The following ROBO3 variants were observed in gnomAD, a reference collection of about 807,000 sequenced individuals.
The protein encoded by ROBO3 is roundabout homolog 3.
Under a neutral mutation model 160.5 loss-of-function variants are expected in ROBO3, and 97 were observed. The ratio of observed to expected loss-of-function variants is 0.60; its 90% CI spans 0.51 to 0.72. The LOEUF is 0.72. Among genes scored for constraint, ROBO3 ranks in the 30% least tolerant of loss-of-function variants. The pLI is 0.00. For missense variants in ROBO3, 1,858 were observed against 1,846.5 expected, an observed-to-expected ratio of 1.01 and a Z score of -0.11; for synonymous variants, 780 against 746.2, an observed-to-expected ratio of 1.05 and a Z score of -0.74.
chr11:124,868,183 A>C (rs576741055), intron 1 of ROBO3, among the ~76,000 whole-genome samples: 2 of 152,298 alleles, frequency 1.3e-5, no homozygotes, highest in South Asian at 4.1e-4. Context: ...CTTGAAATGA[A>C]GCGTGATTAT....
intron 5 of ROBO3, 53 bp downstream of exon 5, chr11:124,870,356 T>C: frequency 1.3e-6 from 2 of 1,576,408 alleles, no homozygotes; most frequent in East Asian, 2.3e-5. Flanking sequence ...AAGAGACTAT[T>C]CTGCCCTAGA....
chr11:124,869,436 ACCGCC>A lies in ROBO3; in HGVS notation c.488-7_488-3del. 1 of 1,280,682 alleles carries A rather than the reference ACCGCC, an allele frequency of 7.8e-7. No homozygotes were observed. Among genetic ancestry groups the A allele is most frequent in the Non-Finnish European group, 1.1e-6 (1 of 907,704 alleles). The allele number at this position is 1,280,682 out of a possible 1,614,324, so 79.3% of individuals were successfully genotyped here. ...CTACACCCTGCTTATTTCGCCCCCC[ACCGCC>A]CCGCCCAGTCCTCCGTGATGATTTC... is the stretch of plus-strand genomic sequence containing the variant. On this transcript the variant is annotated splice_polypyrimidine_tract_variant and intron_variant, in intron 2 of 27. Coordinates refer to ENST00000397801, the MANE Select transcript of ROBO3 (RefSeq NM_022370.4). This position sits in a 1 kb window ranked among gnomAD's most constrained non-coding sequence, Gnocchi z 4.2.
rs200839513 is a variant in ROBO3, at chr11:124,877,178, C to G, written c.2797C>G (p.Pro933Ala). 1.3e-5 allele frequency: 21 copies of G among 1,613,872 alleles called. No homozygotes were observed. Residue 933 changes from proline (P) to alanine (A), a missense_variant, in exon 18 of 28, where the codon CCG becomes GCG. By Grantham distance (27) the Pro-to-Ala change is conservative. Coordinates refer to ENST00000397801, the MANE Select transcript of ROBO3 (RefSeq NM_022370.4). ...TCTGGAAGCCTCTTTTGCCTACACA[C>G]CGGCAGGTAAGCCATCTCTGCCCCA... ...SHYTASFAYTPAVSFPHSEGL... is the reference protein window; with the variant it reads ...SHYTASFAYTAAVSFPHSEGL...
At position 124,871,121 on chromosome 11, in the gene ROBO3, C is replaced by A. The variant is rs1659867252; in HGVS notation, c.1141C>A (p.Gln381Lys). 1.1e-5 allele frequency: 17 copies of A among 1,613,130 alleles called. No homozygotes were observed. The highest frequency in any genetic ancestry group is 1.4e-5 in the Non-Finnish European group (17 of 1,179,520). The change falls in exon 7 of 28, where the codon CAG (glutamine) becomes AAG (lysine). Residue 381 changes from glutamine (Q) to lysine (K), a missense_variant. By Grantham distance (53) the Gln-to-Lys change is moderately conservative. Transcript: ENST00000397801. ...AAACCCCCCACCTGCCATCTTCTGG[C>A]AGAAGGAGGGGAGTCAGGTGGGTGG... ...KGNPPPAIFWQKEGSQVLLFP... is the reference protein window; with the variant it reads ...KGNPPPAIFWKKEGSQVLLFP...
In ROBO3 at chr11:124,879,813, C is replaced by A; in HGVS notation, c.3823C>A (p.Pro1275Thr). The A allele has an allele frequency of 6.2e-7, 1 of 1,613,888 alleles. No homozygotes were observed. The highest frequency in any genetic ancestry group is 8.5e-7 in the Non-Finnish European group (1 of 1,179,846). ...GDLPPPPLPP[P>T]EEEASWALEL... is the part of the protein sequence containing the mutation. ...CTTGCCCCCACCACCCTTGCCACCG[C>A]CAGAGGAAGAGGCGAGCTGGGCCCT... Residue 1275 changes from proline to threonine, a missense_variant, in exon 26 of 28, where the codon CCA becomes ACA. By Grantham distance (38) the Pro-to-Thr change is conservative. Transcript: ENST00000397801.
In ROBO3 at chr11:124,876,507, G is replaced by T; in HGVS notation, c.2779+47G>T. On this transcript the variant is annotated intron_variant, in intron 17 of 27. Transcript: ENST00000397801. This position sits in a 1 kb window ranked among gnomAD's most constrained non-coding sequence, Gnocchi z 5.3. The stretch of plus-strand genomic sequence containing the variant: ...GGACGGATCCGGGAGGGAGCCAGGC[G>T]GCCCATGGGGAGGGGCAGGGGCTTA... 7.5e-7 allele frequency: 1 copy of T among 1,339,302 alleles called. No individual in the cohort carries two copies. Among genetic ancestry groups the T allele is most frequent in the Non-Finnish European group, 9.5e-7 (1 of 1,047,306 alleles). 83.0% of individuals were successfully genotyped at this position (1,339,302 alleles called of 1,614,324 possible).
Position 124,878,766 on chromosome 11 carries a change from C to T in ROBO3, c.3503C>T (p.Thr1168Ile), listed in dbSNP as rs775344429. ...PSPPDPPQPP[T>I]DMPHLHQMPR... The stretch of plus-strand genomic sequence containing the variant: ...CCTCCTGACCCTCCCCAGCCCCCAA[C>T]TGACATGCCCCATCTCCATCAGATG... Residue 1168 changes from threonine to isoleucine, a missense_variant, in exon 23 of 28, where the codon ACT becomes ATT. Coordinates refer to ENST00000397801, the MANE Select transcript of ROBO3 (RefSeq NM_022370.4). This position sits in a 1 kb window ranked among gnomAD's most constrained non-coding sequence, Gnocchi z 4.3. The T allele has an allele frequency of 6.2e-7, 1 of 1,613,618 alleles. No individual in the cohort carries two copies. The highest frequency in any genetic ancestry group is 8.5e-7 in the Non-Finnish European group (1 of 1,179,838).
At position 124,865,673 on chromosome 11, in the gene ROBO3, C is replaced by A. The variant is rs1374701045; in HGVS notation, c.96C>A (p.Gly32=). Residue 32 remains glycine, a synonymous_variant, in exon 1 of 28, where the codon GGC becomes GGA. Transcript: ENST00000397801. The surrounding 1 kb of genome is among the most constrained non-coding windows in gnomAD (Gnocchi z 5.5). ...CCAACTCCAGCGAGCTGCTCTTGGG[C>A]TTCAACTCCTCGCTGGCGGCGCTCA... ...DISNSSELLL[G]FNSSLAALNH... is the part of the protein sequence containing the mutation. 1 of 1,612,232 alleles carries A rather than the reference C, an allele frequency of 6.2e-7. No individual in the cohort carries two copies. Among genetic ancestry groups the A allele is most frequent in the African/African-American group, 1.3e-5 (1 of 74,900 alleles).
In ROBO3 at chr11:124,879,941, C is replaced by T; in HGVS notation, c.3951C>T (p.His1317=). The T allele has an allele frequency of 6.3e-7, 1 of 1,579,070 alleles. No individual in the cohort carries two copies. Among genetic ancestry groups the T allele is most frequent in the Non-Finnish European group, 8.6e-7 (1 of 1,162,718 alleles). The part of the protein sequence containing the change: ...AVPLAAQRVL[H]PDEEAWLPYS... ...CCCTGGCAGCCCAGCGGGTGCTCCACCCAGATGGTAAGCAGGGCCAGGGCA... is the reference window on the plus strand; with the variant it reads ...CCCTGGCAGCCCAGCGGGTGCTCCATCCAGATGGTAAGCAGGGCCAGGGCA... The change falls in exon 26 of 28, where the codon CAC becomes CAT. Residue 1317 remains histidine (H), a synonymous_variant. Coordinates refer to ENST00000397801, the MANE Select transcript of ROBO3 (RefSeq NM_022370.4).
At chr11:124,871,897 G>A (rs1395416389) in intron 7 of ROBO3, among the ~76,000 whole-genome samples, 1 of 152,188 alleles carries the variant, frequency 6.6e-6, no homozygotes, top group Non-Finnish European at 1.5e-5. Context: ...GGTGAAGCAG[G>A]TGTTACCCAG....
chr11:124,869,756 TA>T lies in ROBO3; in HGVS notation c.645+155del. 3 of 1,263,114 alleles carry T rather than the reference TA, an allele frequency of 2.4e-6. No individual in the cohort carries two copies. The highest frequency in any genetic ancestry group is 2.2e-4 in the Middle Eastern group (1 of 4,550). 78.2% of individuals were successfully genotyped at this position (1,263,114 alleles called of 1,614,324 possible). On this transcript the variant is annotated intron_variant, in intron 3 of 27. Transcript: ENST00000397801. This position sits in a 1 kb window ranked among gnomAD's most constrained non-coding sequence, Gnocchi z 4.2. ...AGGGATAAGGAAGACGGAATTGGTA[TA>T]AAAAAGGGGCGGGGGCATGATGCCC...
chr11:124,875,987 C>G lies in ROBO3; in HGVS notation c.2455C>G (p.Leu819Val), dbSNP rs949673216. 1.2e-6 allele frequency: 2 copies of G among 1,600,022 alleles called. No homozygotes were observed. The highest frequency in any genetic ancestry group is 2.7e-5 in the African/African-American group (2 of 74,650). ...WCLGNESRFH[L>V]NRSAAGWARS... ...CCTGGGCAATGAGAGCCGCTTTCAC[C>G]TCAATCGATCTGCAGCAGGCTGGGC... Residue 819 changes from leucine to valine, a missense_variant, in exon 16 of 28, where the codon CTC becomes GTC. Coordinates refer to ENST00000397801, the MANE Select transcript of ROBO3 (RefSeq NM_022370.4).
In ROBO3 at chr11:124,871,145, G is replaced by T. The variant is rs746753062; in HGVS notation, c.1158+7G>T. Reference sequence around the variant, plus strand: ...GCAGAAGGAGGGGAGTCAGGTGGGTGGCCATCTCCAAGGAGCTTCCCATCA... The same window carrying T: ...GCAGAAGGAGGGGAGTCAGGTGGGTTGCCATCTCCAAGGAGCTTCCCATCA... On this transcript the variant is annotated splice_region_variant and intron_variant, in intron 7 of 27. Transcript: ENST00000397801. The T allele has an allele frequency of 8.1e-6, 13 of 1,611,334 alleles. No individual in the cohort carries two copies. Among genetic ancestry groups the T allele is most frequent in the Middle Eastern group, 1.7e-4 (1 of 5,956 alleles).
chr11:124,874,933 T>G, intron 13 of ROBO3, 24 bp downstream of exon 13: 1 of 1,598,064 alleles, frequency 6.3e-7, no homozygotes, highest in South Asian at 1.1e-5. Context: ...GGGGAGGAGA[T>G]TCAGGGTGGG....
In ROBO3 at chr11:124,880,558, C is replaced by T. The variant is rs901523388; in HGVS notation, c.4099C>T (p.Arg1367Trp). Residue 1367 changes from arginine (R) to tryptophan (W), a missense_variant, in exon 27 of 28, where the codon CGG becomes TGG. Physicochemically the swap from Arg to Trp is moderately radical, Grantham distance 101 (BLOSUM62 -3). Coordinates refer to ENST00000397801, the MANE Select transcript of ROBO3 (RefSeq NM_022370.4). Reference protein sequence around the residue: ...GSRGPGRSRSRSQSRSQSQRP... With the variant: ...GSRGPGRSRSWSQSRSQSQRP... Reference sequence around the variant, plus strand: ...CCGGGGCCCTGGCCGGAGCCGGAGTCGGAGTCAGAGCCGGAGCCAGAGCCA... The same window carrying T: ...CCGGGGCCCTGGCCGGAGCCGGAGTTGGAGTCAGAGCCGGAGCCAGAGCCA... 7.5e-6 allele frequency: 11 copies of T among 1,465,028 alleles called. No homozygotes were observed. The highest frequency in any genetic ancestry group is 2.3e-5 in the Admixed American group (1 of 44,168). 90.8% of individuals were successfully genotyped at this position (1,465,028 alleles called of 1,614,324 possible). A position where few individuals can be genotyped will look rare whatever the true frequency, so the allele number is the denominator to read the frequency against.
At position 124,877,999 on chromosome 11, in the gene ROBO3, C is replaced by T. The variant is rs774245178; in HGVS notation, c.3049C>T (p.Pro1017Ser). ...GGGCACGGCCGCCCCTGGCGAGGGT[C>T]CTGTCTATAGCACCATTGACCCAGC... ...ARGTAAPGEG[P>S]VYSTIDPAGE... Residue 1017 changes from proline (P) to serine (S), a missense_variant, in exon 21 of 28, where the codon CCT becomes TCT. Transcript: ENST00000397801. 3 of 1,612,136 alleles carry T rather than the reference C, an allele frequency of 1.9e-6. No homozygotes were observed. Among genetic ancestry groups the T allele is most frequent in the Non-Finnish European group, 2.5e-6 (3 of 1,179,184 alleles).
At position 124,875,169 on chromosome 11, in the gene ROBO3, C is replaced by G; in HGVS notation, c.2132C>G (p.Pro711Arg). ...CGGGTGTCTTGGAGGGTAGCAGGCC[C>G]TGAGGGAGGAAGCTGGACAATGTTG... Reference protein sequence around the residue: ...GFRVSWRVAGPEGGSWTMLDL... With the variant: ...GFRVSWRVAGREGGSWTMLDL... The change falls in exon 14 of 28, where the codon CCT (proline) becomes CGT (arginine). Residue 711 changes from proline to arginine, a missense_variant. Physicochemically the swap from Pro to Arg is moderately radical, Grantham distance 103. Coordinates refer to ENST00000397801, the MANE Select transcript of ROBO3 (RefSeq NM_022370.4). The G allele has an allele frequency of 6.2e-7, 1 of 1,613,656 alleles. No homozygotes were observed. The highest frequency in any genetic ancestry group is 1.3e-5 in the African/African-American group (1 of 75,038).
Position 124,869,883 on chromosome 11 carries a change from A to G in ROBO3, c.646-65A>G. 2 of 1,538,588 alleles carry G rather than the reference A, an allele frequency of 1.3e-6. No homozygotes were observed. Among genetic ancestry groups the G allele is most frequent in the Non-Finnish European group, 8.8e-7 (1 of 1,135,080 alleles). On this transcript the variant is annotated intron_variant, in intron 3 of 27. Transcript: ENST00000397801. The surrounding 1 kb of genome is among the most constrained non-coding windows in gnomAD (Gnocchi z 4.2). ...TTTATACATATGTATATACACATAT[A>G]TTCACCATATATATATACGCTGTGA...
Position 124,870,596 on chromosome 11 carries a change from A to G in ROBO3, c.906-5A>G, listed in dbSNP as rs780529326. ...CAACCCAGCCTGGGGTGGGGAGTGG[A>G]GCAGGTATGAGATCCGGAGTGACCA... On this transcript the variant is annotated splice_polypyrimidine_tract_variant and splice_region_variant and intron_variant, in intron 5 of 27. Transcript: ENST00000397801. The G allele has an allele frequency of 9.9e-6, 16 of 1,613,592 alleles. No homozygotes were observed. In the African/African-American group the frequency reaches 1.6e-4, roughly 16 times the overall value.
Sources: gnomAD v4.1 joint callset for allele counts (sites outside exome capture counted in the v4.1 genomes callset) on GRCh38, gnomAD v4.1.1 for gene constraint, Gnocchi (gnomAD v3.1) non-coding constraint, MANE v1.5 for transcripts, NCBI Gene and HGNC (gene_info 2026-07-23, HGNC 2026-07-21) for gene names.